ALX4: variants seen among roughly 807,000 people sequenced by gnomAD.
ALX4 encodes the protein ALX homeobox 4.
Under a neutral mutation model 40.6 loss-of-function variants are expected in ALX4, and 22 were observed. The observed-to-expected ratio is 0.54, with a 90% confidence interval of 0.39 to 0.77. The LOEUF is 0.77. ALX4 is among the 30% of genes least tolerant of loss of function. The probability of loss-of-function intolerance (pLI) is 0.00; values close to 1 mark genes in which losing one functional copy is unlikely to be tolerated. For missense variants in ALX4, 556 were observed against 564.8 expected, an observed-to-expected ratio of 0.98 and a Z score of 0.16; for synonymous variants, 266 against 240.5, an observed-to-expected ratio of 1.11 and a Z score of -0.98.
Position 44,267,520 on chromosome 11 carries a change from G to C in ALX4, c.880C>G (p.Leu294Val). 1.9e-6 allele frequency: 3 copies of C among 1,614,184 alleles called. No individual in the cohort carries two copies. Among genetic ancestry groups the C allele is most frequent in the Admixed American group, 1.7e-5 (1 of 60,030 alleles). ...HFSTAYELPL[L>V]TRAENYAQIQ... The stretch of plus-strand genomic sequence containing the variant: ...TGGGCGTAGTTCTCAGCTCGGGTGA[G>C]GAGGGGCAGCTCATATGCAGTGGAG... The change falls in exon 3 of 4, where the codon CTC (leucine) becomes GTC (valine). Residue 294 changes from leucine (L) to valine (V), a missense_variant. By Grantham distance (32) the Leu-to-Val change is conservative. Coordinates refer to ENST00000652299, the MANE Select transcript of ALX4 (RefSeq NM_021926.4).
intron 1 of ALX4, among the ~76,000 whole-genome samples, chr11:44,280,396 G>A (rs570241121): frequency 6.6e-6 from 1 of 152,306 alleles, no homozygotes; most frequent in South Asian, 2.1e-4. Context: ...CTGGATGCTG[G>A]GCAAGCCTTC....
At chr11:44,268,894 G>A (rs1053078807) in intron 2 of ALX4, among the ~76,000 whole-genome samples, 8 of 152,208 alleles carry the variant, frequency 5.3e-5, no homozygotes, top group African/African-American at 1.7e-4. Context: ...GCTGCAGACC[G>A]GGAGAACAGA....
intron 1 of ALX4, among the ~76,000 whole-genome samples, chr11:44,284,337 C>G (rs1157194637): frequency 1.3e-5 from 2 of 152,088 alleles, no homozygotes; most frequent in Non-Finnish European, 2.9e-5. Context: ...GCGGGCTGGG[C>G]TCTGTGCTGT....
chr11:44,299,654 C>T (rs917313458), intron 1 of ALX4, among the ~76,000 whole-genome samples: 6 of 152,230 alleles, frequency 3.9e-5, no homozygotes, highest in South Asian at 4.2e-4. Flanking sequence ...GCCACTGCAC[C>T]GTGCCCTGGG....
intron 1 of ALX4, among the ~76,000 whole-genome samples, chr11:44,309,154 T>TCCCGCAGCCCCGCAGCGCCGCAGC (rs1956487785): frequency 7.3e-5 from 8 of 109,586 alleles, no homozygotes; most frequent in Non-Finnish European, 1.4e-4. Flanking sequence ...AGTCCTGCTG[T>TCCCGCAGCCCCGCAGCGCCGCAGC]CCCGCAGCCC....
rs1230393027 is a variant in ALX4, at chr11:44,275,590, A to G, written c.535T>C (p.Tyr179His). 13 of 1,614,018 alleles carry G rather than the reference A, an allele frequency of 8.1e-6. No homozygotes were observed. The highest frequency in any genetic ancestry group is 9.3e-6 in the Non-Finnish European group (11 of 1,179,932). ...DSDTVGMDSS[Y>H]LSVKEAGVKG... ...ACCCCAGCCTCCTTGACACTCAGGTAGCTGCTGTCCATCCCCACAGTGTCA... is the reference window on the plus strand; with the variant it reads ...ACCCCAGCCTCCTTGACACTCAGGTGGCTGCTGTCCATCCCCACAGTGTCA... Residue 179 changes from tyrosine to histidine, a missense_variant, in exon 2 of 4, where the codon TAC becomes CAC. Coordinates refer to ENST00000652299, the MANE Select transcript of ALX4 (RefSeq NM_021926.4).
At chr11:44,289,006 T>C (rs1454223057) in intron 1 of ALX4, among the ~76,000 whole-genome samples, 2 of 152,192 alleles carry the variant, frequency 1.3e-5, no homozygotes, top group African/African-American at 4.8e-5. Flanking sequence ...CTTGCCTTAC[T>C]GATTCATTCA....
chr11:44,282,953 G>GT (rs1411154179), intron 1 of ALX4, among the ~76,000 whole-genome samples: 1 of 152,132 alleles, frequency 6.6e-6, no homozygotes, highest in African/African-American at 2.4e-5. Flanking sequence ...ATACCAAAAA[G>GT]TTTTTTACAG....
intron 1 of ALX4, among the ~76,000 whole-genome samples, chr11:44,288,326 A>C (rs1364199490): frequency 1.3e-5 from 2 of 152,158 alleles, no homozygotes; most frequent in Non-Finnish European, 2.9e-5. Flanking sequence ...GCAAAACATC[A>C]CCATTTGGGG....
intron 1 of ALX4, among the ~76,000 whole-genome samples, chr11:44,288,488 C>T (rs940366325): frequency 1.3e-5 from 2 of 152,198 alleles, no homozygotes; most frequent in African/African-American, 4.8e-5. Context: ...GTGAAGCTGG[C>T]ATATGTAATC....
intron 1 of ALX4, among the ~76,000 whole-genome samples, chr11:44,301,736 T>C (rs1956435787): frequency 6.6e-6 from 1 of 152,312 alleles, no homozygotes; most frequent in South Asian, 2.1e-4. Flanking sequence ...GGAGGAGAAC[T>C]CGGTGGGTTC....
Position 44,275,333 on chromosome 11 carries a change from G to T in ALX4, c.777+15C>A. 1 of 1,614,076 alleles carries T rather than the reference G, an allele frequency of 6.2e-7. No homozygotes were observed. Among genetic ancestry groups the T allele is most frequent in the South Asian group, 1.1e-5 (1 of 91,078 alleles). On this transcript the variant is annotated intron_variant, in intron 2 of 3. Transcript: ENST00000652299. Reference sequence around the variant, plus strand: ...TCTGCTTTACCAGCCTCACTCCCAGGTGGCCCTCACTGACCTGCACGCGGG... The same window carrying T: ...TCTGCTTTACCAGCCTCACTCCCAGTTGGCCCTCACTGACCTGCACGCGGG...
chr11:44,275,117 C>A (rs1192978304), intron 2 of ALX4, among the ~76,000 whole-genome samples: 1 of 152,136 alleles, frequency 6.6e-6, no homozygotes, highest in Non-Finnish European at 1.5e-5. Flanking sequence ...CCTTTGCAAC[C>A]CCCCACCACA....
At chr11:44,291,910 C>G (rs1386893152) in intron 1 of ALX4, among the ~76,000 whole-genome samples, 2 of 152,170 alleles carry the variant, frequency 1.3e-5, no homozygotes, top group Non-Finnish European at 2.9e-5. Context: ...CCTCTGCCCC[C>G]CAGGTTCAAG....
At chr11:44,296,456 G>A (rs181092795) in intron 1 of ALX4, among the ~76,000 whole-genome samples, 1 of 152,318 alleles carries the variant, frequency 6.6e-6, no homozygotes, top group Admixed American at 6.5e-5. Context: ...TTGAAAAATT[G>A]TACTTCTTCA....
At position 44,295,061 on chromosome 11, in the gene ALX4, G is replaced by T. The variant is rs546480686; in HGVS notation, c.466+14536C>A. Among the ~76,000 whole-genome samples the T allele has an allele frequency of 9.2e-5, 14 of 152,186 alleles. 1 individual carries two copies. The South Asian group carries it at 2.9e-3, about 32-fold the overall frequency. On this transcript the variant is annotated intron_variant, in intron 1 of 3. Transcript: ENST00000652299. ...AGACAGGGTTTCACTATGTTGGCCA[G>T]GCTGGTCTCAAACTCCTGACCTCAG... is the stretch of plus-strand genomic sequence containing the variant.
chr11:44,275,733 G>A lies in ALX4; in HGVS notation c.467-75C>T, dbSNP rs1590691612. On this transcript the variant is annotated intron_variant, in intron 1 of 3. Transcript: ENST00000652299. ...AGAAGGGGAATGTCAGGGGGAGAGT[G>A]GGGCACTCGGGTAGCCACCCCCTGC... 4.9e-6 allele frequency: 7 copies of A among 1,432,330 alleles called. No homozygotes were observed. The East Asian group carries it at 1.2e-4, about 24-fold the overall frequency. 88.7% of individuals were successfully genotyped at this position (1,432,330 alleles called of 1,614,324 possible). A position where few individuals can be genotyped will look rare whatever the true frequency, so the allele number is the denominator to read the frequency against.
intron 1 of ALX4, among the ~76,000 whole-genome samples, chr11:44,303,409 G>A (rs1002064282): frequency 3.9e-5 from 6 of 152,002 alleles, no homozygotes; most frequent in African/African-American, 7.3e-5. Flanking sequence ...CTTGGCAGCC[G>A]GTGGCCCCTC....
chr11:44,275,744 G>T (rs2135314284), intron 1 of ALX4, 86 bp from the exon 2 acceptor site: 3 of 1,335,206 alleles, frequency 2.2e-6, no homozygotes, highest in Middle Eastern at 2.2e-4. Context: ...GGGCACTCGG[G>T]TAGCCACCCC....
Sources: gnomAD v4.1 joint callset for allele counts (sites outside exome capture counted in the v4.1 genomes callset) on GRCh38, gnomAD v4.1.1 for gene constraint, MANE v1.5 for transcripts, NCBI Gene and HGNC (gene_info 2026-07-23, HGNC 2026-07-21) for gene names.